GRM1: variants seen among roughly 807,000 people sequenced by gnomAD.
GRM1 encodes metabotropic glutamate receptor 1.
GRM1 carries 33 observed loss-of-function variants against 90.9 expected under a neutral mutation model. The observed-to-expected ratio is 0.36, with a 90% CI of 0.28 to 0.49. The LOEUF is 0.49. Among genes scored for constraint, GRM1 ranks in the 20% least tolerant of loss-of-function variants. The pLI, the probability that GRM1 is intolerant of heterozygous loss-of-function variation, is 0.99. For synonymous variants in GRM1, 700 were observed against 613.2 expected (o/e 1.14, Z -2.09); for missense variants, 1,190 against 1,534.3 (o/e 0.78, Z 3.75).
intron 1 of GRM1, among the ~76,000 whole-genome samples, chr6:146,036,928 A>G (rs1490008212): frequency 2.0e-5 from 3 of 151,968 alleles, no homozygotes; most frequent in Non-Finnish European, 4.4e-5. Context: ...AATAATAACT[A>G]TTATTACTAC....
At chr6:146,065,611 C>T (rs984392734) in intron 1 of GRM1, among the ~76,000 whole-genome samples, 2 of 152,144 alleles carry the variant, frequency 1.3e-5, no homozygotes, top group African/African-American at 4.8e-5. Context: ...CATAGCAAAA[C>T]AGGACATGTG....
At chr6:146,209,734 C>A (rs1009451538) in intron 2 of GRM1, among the ~76,000 whole-genome samples, 9 of 152,098 alleles carry the variant, frequency 5.9e-5, no homozygotes, top group Non-Finnish European at 1.2e-4. Context: ...ATTTACATTA[C>A]AAATCAAATT....
At chr6:146,054,114 C>T (rs1775399290) in intron 1 of GRM1, among the ~76,000 whole-genome samples, 1 of 151,926 alleles carries the variant, frequency 6.6e-6, no homozygotes, top group African/African-American at 2.4e-5. Flanking sequence ...ATTACAGAAC[C>T]TTGATATTCC....
chr6:146,397,974 G>T (rs1777026667), intron 6 of GRM1, among the ~76,000 whole-genome samples: 1 of 152,138 alleles, frequency 6.6e-6, no homozygotes, highest in South Asian at 2.1e-4. Flanking sequence ...TTCTGTGAAG[G>T]GGTTGTCCCA....
At chr6:146,081,983 G>A (rs754101865) in intron 1 of GRM1, among the ~76,000 whole-genome samples, 52 of 152,096 alleles carry the variant, frequency 3.4e-4, no homozygotes, top group Non-Finnish European at 6.2e-4. Flanking sequence ...GAGTAGAGAC[G>A]GGGAAGTTAA....
At chr6:146,228,742 A>T (rs528889112) in intron 2 of GRM1, among the ~76,000 whole-genome samples, 64 of 152,276 alleles carry the variant, frequency 4.2e-4, no homozygotes, top group Middle Eastern at 3.4e-3. Flanking sequence ...CTCTCTTGAG[A>T]TGCTTGATAT....
intron 1 of GRM1, among the ~76,000 whole-genome samples, chr6:146,106,249 T>A (rs1044495299): frequency 6.6e-6 from 1 of 152,212 alleles, no homozygotes; most frequent in African/African-American, 2.4e-5. Flanking sequence ...AATACAGGCT[T>A]AAATCCTGAT....
intron 1 of GRM1, among the ~76,000 whole-genome samples, chr6:146,071,012 G>A (rs1776001440): frequency 6.6e-6 from 1 of 152,032 alleles, no homozygotes; most frequent in South Asian, 2.1e-4. Flanking sequence ...ATGGGGCTTG[G>A]GAATCACTTG....
intron 1 of GRM1, among the ~76,000 whole-genome samples, chr6:146,052,386 C>G (rs1775323789): frequency 6.6e-6 from 1 of 151,942 alleles, no homozygotes; most frequent in Non-Finnish European, 1.5e-5. Context: ...GCTTTAAAAC[C>G]TATAGATGCC....
At chr6:146,356,816 T>G (rs1239260907) in intron 4 of GRM1, among the ~76,000 whole-genome samples, 1 of 152,180 alleles carries the variant, frequency 6.6e-6, no homozygotes, top group Non-Finnish European at 1.5e-5. Context: ...TGGTGTGTGG[T>G]GTATAACATG....
chr6:146,034,851 T>A (rs1049751232), intron 1 of GRM1, among the ~76,000 whole-genome samples: 1 of 152,022 alleles, frequency 6.6e-6, no homozygotes, highest in African/African-American at 2.4e-5. Flanking sequence ...CAGATGACTT[T>A]AAGTAAAGAT....
At chr6:146,207,108 A>T (rs1779521746) in intron 2 of GRM1, among the ~76,000 whole-genome samples, 1 of 152,212 alleles carries the variant, frequency 6.6e-6, no homozygotes, top group African/African-American at 2.4e-5. Flanking sequence ...GTGCTGCAAT[A>T]AACATTCATG....
chr6:146,235,860 A>C (rs1583203112), intron 2 of GRM1, among the ~76,000 whole-genome samples: 1 of 151,548 alleles, frequency 6.6e-6, no homozygotes, highest in Admixed American at 6.6e-5. Flanking sequence ...AGCCCTTTAC[A>C]TATGTATCAT....
At chr6:146,338,723 G>A (rs1177653017) in intron 3 of GRM1, among the ~76,000 whole-genome samples, 1 of 152,132 alleles carries the variant, frequency 6.6e-6, no homozygotes, top group East Asian at 1.9e-4. Flanking sequence ...TTCCTGCAGT[G>A]GAATGTTATG....
In GRM1 at chr6:146,398,821, T is replaced by C. The variant is rs1186497128; in HGVS notation, c.1782T>C (p.Ile594=). ...RYLEWSNIES[I]IAIAFSCLGI... is the part of the protein sequence containing the mutation. ...TTGAGTGGAGCAACATCGAATCCAT[T>C]ATAGCCATCGCCTTTTCATGCCTGG... The change falls in exon 7 of 8, where the codon ATT becomes ATC. Residue 594 remains isoleucine (I), a synonymous_variant. Coordinates refer to ENST00000282753, the MANE Select transcript of GRM1 (RefSeq NM_001278064.2). 2 of 1,613,896 alleles carry C rather than the reference T, an allele frequency of 1.2e-6. No individual in the cohort carries two copies. The highest frequency in any genetic ancestry group is 1.7e-5 in the Admixed American group (1 of 60,028).
chr6:146,162,470 A>G lies in GRM1; in HGVS notation c.950+2873A>G, dbSNP rs191067637. Among the ~76,000 whole-genome samples, 19 of 152,314 alleles carry G rather than the reference A, an allele frequency of 1.2e-4. No individual in the cohort carries two copies. In the East Asian group the frequency reaches 3.7e-3, roughly 29 times the overall value. On this transcript the variant is annotated intron_variant, in intron 2 of 7. Coordinates refer to ENST00000282753, the MANE Select transcript of GRM1 (RefSeq NM_001278064.2). ...ACAACTTGTCACCACTTCCTCTGCT[A>G]TCATCCTGGTCCAAGCCACGATCAT...
At chr6:146,187,738 C>CATATATATATATATATATATAT (rs10656760) in intron 2 of GRM1, among the ~76,000 whole-genome samples, 3 of 148,440 alleles carry the variant, frequency 2.0e-5, no homozygotes, top group African/African-American at 7.4e-5. Context: ...AGGCACAAAA[C>CATATATATATATATATATATAT]ATATATATAT....
At chr6:146,321,396 T>C (rs1419651323) in intron 3 of GRM1, among the ~76,000 whole-genome samples, 1 of 152,186 alleles carries the variant, frequency 6.6e-6, no homozygotes, top group African/African-American at 2.4e-5. Context: ...AATTATGTGG[T>C]CAATTTTAGA....
At chr6:146,313,201 A>G (rs73009063) in intron 3 of GRM1, among the ~76,000 whole-genome samples, 1 of 152,330 alleles carries the variant, frequency 6.6e-6, no homozygotes, top group Non-Finnish European at 1.5e-5. Flanking sequence ...TTTTATTTTT[A>G]CTATGCCTGC....
Sources: gnomAD v4.1 joint callset for allele counts (sites outside exome capture counted in the v4.1 genomes callset) on GRCh38, gnomAD v4.1.1 for gene constraint, MANE v1.5 for transcripts, NCBI Gene and HGNC (gene_info 2026-07-23, HGNC 2026-07-21) for gene names.